Variants in CALN1 observed in about 807,000 individuals in gnomAD.
CALN1 encodes the protein calneuron 1, also known as calcium-binding protein 8.
A neutral mutation model predicts 30.6 loss-of-function variants in CALN1; 17 were observed. The ratio of observed to expected loss-of-function variants is 0.56; its 90% CI spans 0.38 to 0.83. The LOEUF is 0.83. CALN1 is among the 40% of genes least tolerant of loss of function. CALN1 has a pLI of 0.00. For missense variants in CALN1, 291 were observed against 354.9 expected (o/e 0.82, Z 1.45); for synonymous variants, 156 against 131.4 (o/e 1.19, Z -1.28).
At chr7:71,895,241 C>G (rs188288547) in intron 5 of CALN1, among the ~76,000 whole-genome samples, 13 of 152,290 alleles carry the variant, frequency 8.5e-5, no homozygotes, top group Admixed American at 7.9e-4. Flanking sequence ...ATACATGAAC[C>G]ATTGTGCCCG....
intron 4 of CALN1, among the ~76,000 whole-genome samples, chr7:72,074,041 G>T (rs1258245785): frequency 6.6e-6 from 1 of 152,140 alleles, no homozygotes; most frequent in South Asian, 2.1e-4. Context: ...TTAGGTGCAA[G>T]GAGTCGGATA....
chr7:71,935,065 CATA>C (rs1271128961), intron 5 of CALN1, among the ~76,000 whole-genome samples: 5 of 152,156 alleles, frequency 3.3e-5, no homozygotes, highest in African/African-American at 1.2e-4. Context: ...ACAGCCAAAC[CATA>C]TCAGGGTCAC....
intron 3 of CALN1, among the ~76,000 whole-genome samples, chr7:72,147,207 G>A (rs1187652670): frequency 6.6e-6 from 1 of 152,094 alleles, no homozygotes; most frequent in Non-Finnish European, 1.5e-5. Context: ...GAAAATTTTT[G>A]CAATCTACTC....
intron 4 of CALN1, among the ~76,000 whole-genome samples, chr7:72,102,957 C>A (rs1806784906): frequency 6.6e-6 from 1 of 151,614 alleles, no homozygotes; most frequent in Non-Finnish European, 1.5e-5. Flanking sequence ...CCTGTAGGCC[C>A]AGCTACTTGG....
chr7:72,067,583 C>T (rs1040405991), intron 4 of CALN1, among the ~76,000 whole-genome samples: 3 of 152,102 alleles, frequency 2.0e-5, no homozygotes, highest in Admixed American at 6.5e-5. Context: ...TCTCAAGCCT[C>T]CAGAGCACTC....
intron 5 of CALN1, among the ~76,000 whole-genome samples, chr7:71,883,506 A>T (rs1436668990): frequency 6.6e-6 from 1 of 152,176 alleles, no homozygotes; most frequent in African/African-American, 2.4e-5. Flanking sequence ...CATAATGAGC[A>T]GGAAGTAATA....
chr7:72,195,044 T>G (rs1033455057), intron 3 of CALN1, among the ~76,000 whole-genome samples: 4 of 152,192 alleles, frequency 2.6e-5, no homozygotes, highest in African/African-American at 4.8e-5. Context: ...TCTCGTCCCA[T>G]CCTCAATCCT....
At chr7:72,032,852 T>C (rs1801550360) in intron 4 of CALN1, among the ~76,000 whole-genome samples, 1 of 152,162 alleles carries the variant, frequency 6.6e-6, no homozygotes, top group South Asian at 2.1e-4. Context: ...ATTGGTCTGA[T>C]GAACAAAACC....
chr7:72,435,003 G>A (rs912236380), intron 1 of CALN1, among the ~76,000 whole-genome samples: 1 of 152,160 alleles, frequency 6.6e-6, no homozygotes, highest in African/African-American at 2.4e-5. Context: ...AAGGTGGAAG[G>A]ATTACTTGAG....
intron 3 of CALN1, among the ~76,000 whole-genome samples, chr7:72,187,009 G>C (rs985753143): frequency 1.3e-5 from 2 of 151,552 alleles, no homozygotes; most frequent in African/African-American, 4.8e-5. Flanking sequence ...GCAAGTAGGG[G>C]AGTTCAGAAG....
chr7:72,077,012 A>G (rs1228453585), intron 4 of CALN1, among the ~76,000 whole-genome samples: 1 of 151,020 alleles, frequency 6.6e-6, no homozygotes, highest in Non-Finnish European at 1.5e-5. Flanking sequence ...TTGCTACAGC[A>G]AAACCAAGAA....
intron 5 of CALN1, among the ~76,000 whole-genome samples, chr7:71,966,242 T>C (rs1797524115): frequency 6.6e-6 from 1 of 152,204 alleles, no homozygotes; most frequent in Admixed American, 6.5e-5. Flanking sequence ...TGTTGCAGTA[T>C]AACTTTACTT....
intron 4 of CALN1, among the ~76,000 whole-genome samples, chr7:72,038,404 C>G (rs2129533389): frequency 6.6e-6 from 1 of 151,120 alleles, no homozygotes; most frequent in South Asian, 2.1e-4. Flanking sequence ...GAGATAGGGC[C>G]TTGTTCTGTC....
intron 2 of CALN1, among the ~76,000 whole-genome samples, chr7:72,303,604 GAGA>G (rs1475492804): frequency 2.0e-5 from 3 of 151,902 alleles, no homozygotes; most frequent in South Asian, 2.1e-4. Flanking sequence ...TATGCTTAGT[GAGA>G]AGGAGAATCC....
chr7:71,851,553 T>C (rs1216306077), intron 5 of CALN1, among the ~76,000 whole-genome samples: 1 of 151,618 alleles, frequency 6.6e-6, no homozygotes, highest in Non-Finnish European at 1.5e-5. Flanking sequence ...TACATATATA[T>C]ATGAATATAT....
At chr7:72,158,519 T>A (rs896492052) in intron 3 of CALN1, among the ~76,000 whole-genome samples, 1 of 152,194 alleles carries the variant, frequency 6.6e-6, no homozygotes, top group Non-Finnish European at 1.5e-5. Flanking sequence ...AAACTCACTT[T>A]CACAGCCTTG....
intron 3 of CALN1, among the ~76,000 whole-genome samples, chr7:72,184,667 T>C (rs1790055553): frequency 6.6e-6 from 1 of 152,240 alleles, no homozygotes; most frequent in South Asian, 2.1e-4. Context: ...CTTCCTACTT[T>C]AATGTTCCAT....
intron 6 of CALN1, among the ~76,000 whole-genome samples, chr7:71,806,402 G>C (rs957943846): frequency 5.3e-5 from 8 of 151,644 alleles, no homozygotes; most frequent in Admixed American, 1.3e-4. Flanking sequence ...CACCTCCTGG[G>C]CTCAAGCAAT....
intron 3 of CALN1, among the ~76,000 whole-genome samples, chr7:72,170,222 A>G (rs894817253): frequency 6.6e-6 from 1 of 152,044 alleles, no homozygotes; most frequent in Non-Finnish European, 1.5e-5. Flanking sequence ...GCCTCATGTG[A>G]TCCTGCTCAA....
Sources: gnomAD v4.1 joint callset for allele counts (sites outside exome capture counted in the v4.1 genomes callset) on GRCh38, gnomAD v4.1.1 for gene constraint, MANE v1.5 for transcripts, NCBI Gene and HGNC (gene_info 2026-07-23, HGNC 2026-07-21) for gene names.